KHDRBS3: variants seen among roughly 807,000 people sequenced by gnomAD.
The protein encoded by KHDRBS3 is KH domain-containing, RNA-binding, signal transduction-associated protein 3.
KHDRBS3 carries 23 observed loss-of-function variants against 45.6 expected under a neutral mutation model. The observed-to-expected ratio is 0.50, with a 90% confidence interval of 0.36 to 0.72. The LOEUF (loss-of-function observed/expected upper bound fraction) is 0.72. Among genes scored for constraint, KHDRBS3 ranks in the 30% least tolerant of loss-of-function variants. The pLI is 0.00. For synonymous variants in KHDRBS3, 162 were observed against 156.5 expected, an observed-to-expected ratio of 1.04 and a Z score of -0.26; for missense variants, 352 against 424.8, an observed-to-expected ratio of 0.83 and a Z score of 1.51.
At chr8:135,531,165 T>G (rs559082368) in intron 2 of KHDRBS3, among the ~76,000 whole-genome samples, 17 of 152,356 alleles carry the variant, frequency 1.1e-4, no homozygotes, top group African/African-American at 3.8e-4. Context: ...CCTGTGTGTG[T>G]GCATGTCTAT....
intron 6 of KHDRBS3, among the ~76,000 whole-genome samples, chr8:135,590,603 A>G (rs1828702137): frequency 6.6e-6 from 1 of 152,190 alleles, no homozygotes; most frequent in South Asian, 2.1e-4. Flanking sequence ...TCAAATAGAA[A>G]CCTTTAATTG....
At position 135,613,254 on chromosome 8, in the gene KHDRBS3, C is replaced by T. The variant is rs150349055; in HGVS notation, c.890+6217C>T. On this transcript the variant is annotated intron_variant, in intron 7 of 8. Transcript: ENST00000355849. ...CCGATGTATTATCAGAAACAGAGAC[C>T]GGTGCCACAGTGGTTAAGTCTGACG... 8.0e-4 allele frequency among the ~76,000 whole-genome samples: 122 copies of T among 151,954 alleles called. 1 individual carries two copies. Among genetic ancestry groups the T allele is most frequent in the Non-Finnish European group, 1.3e-3 (88 of 68,016 alleles).
At chr8:135,646,115 A>C (rs893454901) in intron 8 of KHDRBS3, among the ~76,000 whole-genome samples, 2 of 146,050 alleles carry the variant, frequency 1.4e-5, no homozygotes, top group Non-Finnish European at 3.0e-5. Flanking sequence ...AGTGACGTTG[A>C]TTGCATGTTT....
chr8:135,554,801 A>AT (rs956326074), intron 4 of KHDRBS3, among the ~76,000 whole-genome samples: 1 of 152,114 alleles, frequency 6.6e-6, no homozygotes, highest in Non-Finnish European at 1.5e-5. Context: ...CTTTTGAAAA[A>AT]TTTTTTAAAA....
At chr8:135,606,860 C>A in intron 6 of KHDRBS3, 95 bp from the exon 7 acceptor site, 1 of 886,166 alleles carries the variant, frequency 1.1e-6, no homozygotes, top group Non-Finnish European at 1.8e-6. Context: ...TAATTAAATG[C>A]TAGCTGAATT....
chr8:135,525,843 TA>T (rs1159991719), intron 2 of KHDRBS3, among the ~76,000 whole-genome samples: 1 of 152,162 alleles, frequency 6.6e-6, no homozygotes, highest in East Asian at 1.9e-4. Flanking sequence ...TGATGATGAT[TA>T]ACCTGAAACT....
intron 6 of KHDRBS3, among the ~76,000 whole-genome samples, chr8:135,594,279 T>C (rs1054145674): frequency 6.6e-6 from 1 of 152,200 alleles, no homozygotes; most frequent in African/African-American, 2.4e-5. Context: ...GATATGTTCT[T>C]ATAGTGTGGC....
chr8:135,532,668 T>TG (rs1698435396), intron 2 of KHDRBS3, among the ~76,000 whole-genome samples: 1 of 152,064 alleles, frequency 6.6e-6, no homozygotes, highest in African/African-American at 2.4e-5. Context: ...CCTGTTGACG[T>TG]GAAAAAAAAT....
At chr8:135,549,283 G>C (rs183632134) in intron 4 of KHDRBS3, 1 of 157,092 alleles carries the variant, frequency 6.4e-6, no homozygotes, top group African/African-American at 2.4e-5. Context: ...TTGGCATGCA[G>C]ACTTGAATAA....
At chr8:135,632,015 T>A (rs1830624646) in intron 7 of KHDRBS3, among the ~76,000 whole-genome samples, 1 of 152,208 alleles carries the variant, frequency 6.6e-6, no homozygotes, top group South Asian at 2.1e-4. Flanking sequence ...GTATATATGG[T>A]CTGGCATTGA....
intron 1 of KHDRBS3, among the ~76,000 whole-genome samples, chr8:135,498,676 C>T (rs932736962): frequency 2.6e-5 from 4 of 152,096 alleles, no homozygotes; most frequent in African/African-American, 9.7e-5. Flanking sequence ...AAAATGGTTT[C>T]AAGTAATGGT....
chr8:135,606,156 A>G (rs775548539), intron 6 of KHDRBS3, among the ~76,000 whole-genome samples: 7 of 151,988 alleles, frequency 4.6e-5, no homozygotes, highest in African/African-American at 1.7e-4. Context: ...CTGGGTGCCT[A>G]TTGGGACTCA....
intron 1 of KHDRBS3, among the ~76,000 whole-genome samples, chr8:135,483,357 A>G (rs989047591): frequency 2.6e-5 from 4 of 152,192 alleles, no homozygotes; most frequent in African/African-American, 9.7e-5. Flanking sequence ...GATTGTGGCA[A>G]GTAAACACAT....
At position 135,521,368 on chromosome 8, in the gene KHDRBS3, G is replaced by A. The variant is rs530028367; in HGVS notation, c.207+13G>A. 8.1e-6 allele frequency: 11 copies of A among 1,364,890 alleles called. No individual in the cohort carries two copies. In the Admixed American group the frequency reaches 1.5e-4, roughly 19 times the overall value. The allele number at this position is 1,364,890 out of a possible 1,614,324, so 84.5% of individuals were successfully genotyped here. A position where few individuals can be genotyped will look rare whatever the true frequency, so the allele number is the denominator to read the frequency against. ...ACAGTTCCCTAAGGTAAGACAGTGA[G>A]GTCTACACTGCAGGTATTTTAACCT... On this transcript the variant is annotated intron_variant, in intron 2 of 8. Coordinates refer to ENST00000355849, the MANE Select transcript of KHDRBS3 (RefSeq NM_006558.3).
intron 5 of KHDRBS3, 80 bp downstream of exon 5, chr8:135,557,667 C>A: frequency 1.9e-6 from 2 of 1,041,596 alleles, no homozygotes; most frequent in South Asian, 1.4e-5. Context: ...AAAACCAGTT[C>A]TATCTGAACA....
intron 7 of KHDRBS3, among the ~76,000 whole-genome samples, chr8:135,643,653 G>C (rs1162282583): frequency 6.6e-6 from 1 of 152,222 alleles, no homozygotes; most frequent in Non-Finnish European, 1.5e-5. Context: ...TAAATGTGAT[G>C]ATTAGTCTCT....
At chr8:135,505,492 T>C (rs2317273) in intron 1 of KHDRBS3, among the ~76,000 whole-genome samples, 16,209 of 152,128 alleles carry the variant, frequency 0.11, 954 homozygotes, top group East Asian at 0.18. Context: ...ACTTCAGGAA[T>C]TTACCAAGAG....
At chr8:135,624,711 A>G (rs534206501) in intron 7 of KHDRBS3, among the ~76,000 whole-genome samples, 13 of 152,288 alleles carry the variant, frequency 8.5e-5, no homozygotes, top group South Asian at 8.3e-4. Flanking sequence ...CCCCAACACA[A>G]TGTCAAACAC....
At chr8:135,484,066 C>T (rs1254975051) in intron 1 of KHDRBS3, among the ~76,000 whole-genome samples, 1 of 152,090 alleles carries the variant, frequency 6.6e-6, no homozygotes, top group African/African-American at 2.4e-5. Flanking sequence ...CCCTCACTAC[C>T]TACATTTCCT....
Sources: gnomAD v4.1 joint callset for allele counts (sites outside exome capture counted in the v4.1 genomes callset) on GRCh38, gnomAD v4.1.1 for gene constraint, MANE v1.5 for transcripts, NCBI Gene and HGNC (gene_info 2026-07-23, HGNC 2026-07-21) for gene names.